The following PDZRN4 variants were observed in gnomAD, a reference collection of about 807,000 sequenced individuals.
The protein encoded by PDZRN4 is PDZ domain-containing RING finger protein 4.
PDZRN4 carries 70 observed loss-of-function variants against 99.0 expected under a neutral mutation model. The observed-to-expected ratio is 0.71, with a 90% confidence interval of 0.58 to 0.86. PDZRN4 has a LOEUF of 0.86. Among genes scored for constraint, PDZRN4 ranks in the 40% least tolerant of loss-of-function variants. PDZRN4 has a pLI of 0.00. For missense variants in PDZRN4, 1,474 were observed against 1,331.2 expected (o/e 1.11, Z -1.67); for synonymous variants, 551 against 501.6 (o/e 1.10, Z -1.32).
At chr12:41,270,311 G>GGTGTGTGTGT (rs376382425) in intron 3 of PDZRN4, among the ~76,000 whole-genome samples, 35 of 145,102 alleles carry the variant, frequency 2.4e-4, no homozygotes, top group African/African-American at 8.3e-4. Flanking sequence ...CTGTGTGTGT[G>GGTGTGTGTGT]GTGTGTGTGT....
chr12:41,549,250 T>C (rs1206351219), intron 5 of PDZRN4, among the ~76,000 whole-genome samples: 7 of 152,190 alleles, frequency 4.6e-5, no homozygotes, highest in Non-Finnish European at 8.8e-5. Flanking sequence ...TGAAAGTTGT[T>C]AGGGAAAACA....
At chr12:41,464,714 C>T (rs1379189760) in intron 3 of PDZRN4, among the ~76,000 whole-genome samples, 1 of 151,602 alleles carries the variant, frequency 6.6e-6, no homozygotes, top group African/African-American at 2.4e-5. Flanking sequence ...AAAGCAAAGA[C>T]ATTTTGTGAC....
intron 5 of PDZRN4, among the ~76,000 whole-genome samples, chr12:41,510,598 T>C (rs755098791): frequency 9.9e-5 from 15 of 152,130 alleles, no homozygotes; most frequent in Non-Finnish European, 7.4e-5. Flanking sequence ...TACTCTGACA[T>C]TTAAAAATAA....
At chr12:41,459,859 A>T in intron 3 of PDZRN4, 1 of 1,028,182 alleles carries the variant, frequency 9.7e-7, no homozygotes, top group Non-Finnish European at 1.3e-6. Flanking sequence ...AATACCCATT[A>T]AATTAACATT....
chr12:41,439,591 G>A (rs1952659612), intron 3 of PDZRN4, among the ~76,000 whole-genome samples: 1 of 152,144 alleles, frequency 6.6e-6, no homozygotes, highest in Non-Finnish European at 1.5e-5. Flanking sequence ...CACTGTATTT[G>A]CTAAGAAGCA....
At chr12:41,564,350 T>C (rs1395558449) in intron 8 of PDZRN4, among the ~76,000 whole-genome samples, 4 of 151,772 alleles carry the variant, frequency 2.6e-5, no homozygotes, top group Non-Finnish European at 5.9e-5. Context: ...AGAGTAAAGG[T>C]AATGGAAAAA....
At chr12:41,225,351 A>G (rs1176387880) in intron 3 of PDZRN4, among the ~76,000 whole-genome samples, 1 of 152,096 alleles carries the variant, frequency 6.6e-6, no homozygotes, top group Non-Finnish European at 1.5e-5. Context: ...AAAGGAAGAA[A>G]GCTAAAAATA....
At position 41,209,968 on chromosome 12, in the gene PDZRN4, G is replaced by A. The variant is rs933276907; in HGVS notation, c.843+15780G>A. Among the ~76,000 whole-genome samples, 42 of 151,016 alleles carry A rather than the reference G, an allele frequency of 2.8e-4. 1 individual carries two copies. Among genetic ancestry groups the A allele is most frequent in the Admixed American group, 2.1e-3 (31 of 15,094 alleles). On this transcript the variant is annotated intron_variant, in intron 3 of 9. Transcript: ENST00000402685. ...ACTAGTTTACAGTCCCACCAACAGT[G>A]TAAAAGTGTTCCTATTTCTCCACAT...
At chr12:41,346,531 TATA>T (rs928784680) in intron 3 of PDZRN4, among the ~76,000 whole-genome samples, 2 of 152,088 alleles carry the variant, frequency 1.3e-5, no homozygotes, top group African/African-American at 4.8e-5. Context: ...TTTCAAATTC[TATA>T]ATATTAGACA....
intron 5 of PDZRN4, among the ~76,000 whole-genome samples, chr12:41,515,798 C>T (rs541854750): frequency 6.6e-6 from 1 of 152,018 alleles, no homozygotes; most frequent in South Asian, 2.1e-4. Flanking sequence ...TGCAGGCTGT[C>T]CTATTCACCA....
intron 3 of PDZRN4, among the ~76,000 whole-genome samples, chr12:41,346,649 A>T (rs1027710306): frequency 1.6e-4 from 24 of 152,200 alleles, no homozygotes; most frequent in African/African-American, 5.5e-4. Flanking sequence ...TGGCATTGAT[A>T]TAAACAATCT....
chr12:41,443,722 G>A (rs1952700662), intron 3 of PDZRN4, among the ~76,000 whole-genome samples: 1 of 152,100 alleles, frequency 6.6e-6, no homozygotes, highest in African/African-American at 2.4e-5. Context: ...ATTTCAATAG[G>A]TATGTGGCTC....
intron 3 of PDZRN4, among the ~76,000 whole-genome samples, chr12:41,265,874 A>G (rs1015796275): frequency 3.3e-5 from 5 of 152,218 alleles, no homozygotes; most frequent in Non-Finnish European, 5.9e-5. Flanking sequence ...AAAGAAATTA[A>G]ACAATAAAAA....
chr12:41,527,956 G>A (rs1938597695), intron 5 of PDZRN4, among the ~76,000 whole-genome samples: 1 of 152,198 alleles, frequency 6.6e-6, no homozygotes, highest in South Asian at 2.1e-4. Flanking sequence ...GCAAGTGCAG[G>A]AGGAGGATAA....
chr12:41,510,421 C>A (rs1369030432), intron 5 of PDZRN4, among the ~76,000 whole-genome samples: 2 of 152,116 alleles, frequency 1.3e-5, no homozygotes, highest in African/African-American at 2.4e-5. Context: ...TGTTGTTAAA[C>A]TATATTTATT....
chr12:41,420,281 T>G (rs1023799168), intron 3 of PDZRN4, among the ~76,000 whole-genome samples: 3 of 152,180 alleles, frequency 2.0e-5, no homozygotes, highest in Admixed American at 6.6e-5. Flanking sequence ...TTTCTAGATT[T>G]GTACTCTGTC....
chr12:41,317,273 G>A (rs1185003976), intron 3 of PDZRN4, among the ~76,000 whole-genome samples: 2 of 151,690 alleles, frequency 1.3e-5, no homozygotes, highest in African/African-American at 2.4e-5. Flanking sequence ...TATCTGCAGA[G>A]CAGGCCAGCA....
intron 3 of PDZRN4, among the ~76,000 whole-genome samples, chr12:41,472,575 A>G (rs1565592026): frequency 6.6e-6 from 1 of 152,190 alleles, no homozygotes; most frequent in South Asian, 2.1e-4. Flanking sequence ...TGTTTGATCT[A>G]TGTATATAAT....
chr12:41,332,214 T>A (rs957236653), intron 3 of PDZRN4, among the ~76,000 whole-genome samples: 12 of 152,082 alleles, frequency 7.9e-5, no homozygotes, highest in Non-Finnish European at 1.3e-4. Flanking sequence ...TACGTTCACC[T>A]GGAATGTGTG....
Sources: gnomAD v4.1 joint callset for allele counts (sites outside exome capture counted in the v4.1 genomes callset) on GRCh38, gnomAD v4.1.1 for gene constraint, MANE v1.5 for transcripts, NCBI Gene and HGNC (gene_info 2026-07-23, HGNC 2026-07-21) for gene names.